PTPRT: variants seen among roughly 807,000 people sequenced by gnomAD.
PTPRT encodes protein tyrosine phosphatase receptor type T.
PTPRT carries 56 observed loss-of-function variants against 176.8 expected under a neutral mutation model. The ratio of observed to expected loss-of-function variants is 0.32; its 90% CI spans 0.26 to 0.40. The LOEUF (loss-of-function observed/expected upper bound fraction) is 0.40. Ranked by LOEUF, PTPRT falls within the 10% of genes least tolerant of loss-of-function variation. The pLI is 1.00. For synonymous variants in PTPRT, 783 were observed against 739.0 expected (o/e 1.06, Z -0.96); for missense variants, 1,540 against 1,908.2 (o/e 0.81, Z 3.60).
intron 27 of PTPRT, among the ~76,000 whole-genome samples, chr20:42,095,099 AC>A (rs1053849280): frequency 6.6e-6 from 1 of 151,408 alleles, no homozygotes; most frequent in Admixed American, 6.6e-5. Context: ...TTCAGAATCT[AC>A]CCCCCAGTTC....
intron 1 of PTPRT, among the ~76,000 whole-genome samples, chr20:42,974,467 A>ACG (rs1401226674): frequency 5.3e-5 from 8 of 151,992 alleles, no homozygotes; most frequent in African/African-American, 1.4e-4. Context: ...ACCTCAGTGC[A>ACG]CGCGCGCACA....
chr20:43,017,603 T>C (rs968142285), intron 1 of PTPRT, among the ~76,000 whole-genome samples: 9 of 152,160 alleles, frequency 5.9e-5, no homozygotes, highest in African/African-American at 1.9e-4. Flanking sequence ...CCTGTGGCCA[T>C]CCCGTCAAGC....
At chr20:42,148,332 G>A (rs950984395) in intron 17 of PTPRT, among the ~76,000 whole-genome samples, 7 of 149,320 alleles carry the variant, frequency 4.7e-5, no homozygotes, top group Non-Finnish European at 4.4e-5. Context: ...GAGCTGCGCC[G>A]TGGTATTTAT....
chr20:42,744,377 A>G (rs1260338160), intron 6 of PTPRT, among the ~76,000 whole-genome samples: 3 of 152,234 alleles, frequency 2.0e-5, no homozygotes, highest in Non-Finnish European at 4.4e-5. Flanking sequence ...TTAAAAAAAA[A>G]TCTTCAAAAA....
chr20:42,722,544 C>T (rs191641784), intron 6 of PTPRT, among the ~76,000 whole-genome samples: 34 of 152,314 alleles, frequency 2.2e-4, no homozygotes, highest in Non-Finnish European at 3.5e-4. Flanking sequence ...TCTGCACCCT[C>T]GCTGGGAGCT....
chr20:42,999,161 T>C (rs1460030210), intron 1 of PTPRT, among the ~76,000 whole-genome samples: 2 of 152,140 alleles, frequency 1.3e-5, no homozygotes, highest in African/African-American at 4.8e-5. Flanking sequence ...GTGAAGAATA[T>C]TTAGCCACAT....
At chr20:43,120,666 T>C (rs2013226644) in intron 1 of PTPRT, among the ~76,000 whole-genome samples, 2 of 152,202 alleles carry the variant, frequency 1.3e-5, no homozygotes, top group South Asian at 4.1e-4. Flanking sequence ...TGCACGTGTG[T>C]GTGTCCATAG....
At chr20:42,818,839 C>A (rs1030489460) in intron 2 of PTPRT, among the ~76,000 whole-genome samples, 14 of 151,788 alleles carry the variant, frequency 9.2e-5, no homozygotes, top group Non-Finnish European at 1.5e-4. Flanking sequence ...GATATGCAGA[C>A]AAGAATAGAG....
chr20:42,217,435 G>A (rs2055803432), intron 15 of PTPRT, among the ~76,000 whole-genome samples: 2 of 132,400 alleles, frequency 1.5e-5, no homozygotes, highest in South Asian at 2.5e-4. Context: ...AGAACATTAC[G>A]TCCATCCCCC....
intron 1 of PTPRT, among the ~76,000 whole-genome samples, chr20:42,992,614 G>A (rs552518571): frequency 4.6e-5 from 7 of 152,336 alleles, no homozygotes; most frequent in African/African-American, 4.8e-5. Flanking sequence ...AAAAGAAATC[G>A]GAGGATTGGA....
chr20:42,744,330 A>T (rs1423178503), intron 6 of PTPRT, among the ~76,000 whole-genome samples: 2 of 152,274 alleles, frequency 1.3e-5, no homozygotes, highest in Non-Finnish European at 2.9e-5. Context: ...TGGAATTTGT[A>T]AAGTCTACAT....
At chr20:42,740,301 T>A (rs1429590390) in intron 6 of PTPRT, among the ~76,000 whole-genome samples, 1 of 152,096 alleles carries the variant, frequency 6.6e-6, no homozygotes, top group Non-Finnish European at 1.5e-5. Flanking sequence ...TAGGATGTGA[T>A]CTGCACAGAG....
intron 1 of PTPRT, among the ~76,000 whole-genome samples, chr20:42,915,919 C>T (rs957378185): frequency 2.6e-5 from 4 of 151,350 alleles, no homozygotes; most frequent in Non-Finnish European, 4.4e-5. Context: ...TTTTTAAATG[C>T]CATTTCCCTC....
At chr20:42,421,264 GCA>G (rs374141174) in intron 9 of PTPRT, among the ~76,000 whole-genome samples, 30 of 117,678 alleles carry the variant, frequency 2.5e-4, no homozygotes, top group Admixed American at 1.8e-3. Context: ...ACGCACGCAC[GCA>G]CACACACACA....
intron 7 of PTPRT, among the ~76,000 whole-genome samples, chr20:42,534,968 G>A (rs1377538799): frequency 6.6e-6 from 1 of 152,164 alleles, no homozygotes; most frequent in African/African-American, 2.4e-5. Flanking sequence ...CTAACCCACT[G>A]ACTCTTCCCA....
intron 18 of PTPRT, among the ~76,000 whole-genome samples, chr20:42,139,815 C>A (rs1988540286): frequency 6.6e-6 from 1 of 152,242 alleles, no homozygotes; most frequent in Non-Finnish European, 1.5e-5. Flanking sequence ...GCAAGCAGCT[C>A]CCTGTGGCAG....
intron 17 of PTPRT, among the ~76,000 whole-genome samples, chr20:42,158,358 C>T (rs1012356327): frequency 3.3e-5 from 5 of 152,066 alleles, no homozygotes; most frequent in Non-Finnish European, 7.4e-5. Flanking sequence ...ATTTACTGAA[C>T]AAATTTTAAG....
At chr20:43,139,742 G>A (rs2013944681) in intron 1 of PTPRT, among the ~76,000 whole-genome samples, 2 of 152,112 alleles carry the variant, frequency 1.3e-5, no homozygotes, top group South Asian at 2.1e-4. Context: ...GGCCTAGAAC[G>A]CACATTAGAG....
intron 26 of PTPRT, 78 bp downstream of exon 26, chr20:42,102,046 G>T: frequency 6.5e-7 from 1 of 1,534,798 alleles, no homozygotes; most frequent in Non-Finnish European, 8.9e-7. Context: ...AGGGCCCTGA[G>T]GTCCAGCCAC....
Sources: gnomAD v4.1 joint callset for allele counts (sites outside exome capture counted in the v4.1 genomes callset) on GRCh38, gnomAD v4.1.1 for gene constraint, MANE v1.5 for transcripts, NCBI Gene and HGNC (gene_info 2026-07-23, HGNC 2026-07-21) for gene names.